Variants in TMEM120B observed in about 807,000 individuals in gnomAD.
The protein encoded by TMEM120B is transmembrane protein 120B.
A neutral mutation model predicts 55.5 loss-of-function variants in TMEM120B; 31 were observed. That is an observed-to-expected ratio of 0.56 (90% confidence interval 0.42 to 0.75). TMEM120B has a LOEUF of 0.75. Ranked by LOEUF, TMEM120B falls within the 30% of genes least tolerant of loss-of-function variation. The probability of loss-of-function intolerance (pLI) is 0.00; values close to 1 mark genes in which losing one functional copy is unlikely to be tolerated. For missense variants in TMEM120B, 399 were observed against 425.5 expected (o/e 0.94, Z 0.55); for synonymous variants, 203 against 176.3 (o/e 1.15, Z -1.20).
chr12:121,770,997 T>C, intron 7 of TMEM120B, 25 bp downstream of exon 7: 5 of 1,611,400 alleles, frequency 3.1e-6, no homozygotes, highest in Non-Finnish European at 4.2e-6. Flanking sequence ...GCTGGGCCCC[T>C]CCAGCCTCCC....
intron 1 of TMEM120B, 133 bp downstream of exon 1, chr12:121,713,097 C>CG: frequency 1.5e-6 from 1 of 662,128 alleles, no homozygotes; most frequent in Non-Finnish European, 2.4e-6. Context: ...TGGGGGCGGA[C>CG]GGGAGGCATG....
Position 121,778,749 on chromosome 12 carries a change from G to T in TMEM120B, c.*3027G>T. The T allele has an allele frequency of 6.6e-6, 1 of 152,382 alleles. No homozygotes were observed. 9.4% of individuals were successfully genotyped at this position (152,382 alleles called of 1,614,324 possible). A position where few individuals can be genotyped will look rare whatever the true frequency, so the allele number is the denominator to read the frequency against. ...GGGGGGAACAGTCCACAGAAAACTT[G>T]CTCATGACCACACTGGGAGCCGACT... On this transcript the variant is annotated 3_prime_UTR_variant, in exon 12 of 12. Coordinates refer to ENST00000449592, the MANE Select transcript of TMEM120B (RefSeq NM_001080825.2).
Position 121,717,314 on chromosome 12 carries a change from G to A in TMEM120B, c.69+4350G>A, listed in dbSNP as rs188359587. On this transcript the variant is annotated intron_variant, in intron 1 of 11. Coordinates refer to ENST00000449592, the MANE Select transcript of TMEM120B (RefSeq NM_001080825.2). ...TCCCTAAGTCTGACCTCACAGTGATGCAAGGGCCTTGAAGGCCATGGTAAA... is the reference window on the plus strand; with the variant it reads ...TCCCTAAGTCTGACCTCACAGTGATACAAGGGCCTTGAAGGCCATGGTAAA... Among the ~76,000 whole-genome samples, 38 of 152,340 alleles carry A rather than the reference G, an allele frequency of 2.5e-4. No homozygotes were observed. In the East Asian group the frequency reaches 6.6e-3, roughly 26 times the overall value.
chr12:121,760,801 G>A (rs1873652664), intron 5 of TMEM120B, among the ~76,000 whole-genome samples: 1 of 151,978 alleles, frequency 6.6e-6, no homozygotes, highest in Non-Finnish European at 1.5e-5. Flanking sequence ...GGTTGGAGGG[G>A]GCCCTGTTTA....
intron 1 of TMEM120B, among the ~76,000 whole-genome samples, chr12:121,742,744 A>AT (rs1872969008): frequency 6.6e-6 from 1 of 151,930 alleles, no homozygotes; most frequent in Non-Finnish European, 1.5e-5. Context: ...CGCCTGGCTA[A>AT]TTTTTACATT....
intron 1 of TMEM120B, among the ~76,000 whole-genome samples, chr12:121,739,415 C>T (rs190083682): frequency 1.4e-4 from 22 of 152,100 alleles, no homozygotes; most frequent in Admixed American, 3.3e-4. Context: ...ATTTTCTAGA[C>T]AATTGACCCT....
At chr12:121,734,000 T>C (rs963060086) in intron 1 of TMEM120B, among the ~76,000 whole-genome samples, 1 of 152,188 alleles carries the variant, frequency 6.6e-6, no homozygotes, top group Non-Finnish European at 1.5e-5. Context: ...GATCTGAAAG[T>C]AAAATGCCTG....
rs1874406578 is a variant in TMEM120B, at chr12:121,780,412, T to G, written c.*4690T>G. On this transcript the variant is annotated 3_prime_UTR_variant, in exon 12 of 12. Coordinates refer to ENST00000449592, the MANE Select transcript of TMEM120B (RefSeq NM_001080825.2). ...GTGAAAGTTTCTTTTTGCCTTTGCA[T>G]TCCTTTTATTCTGTTTATTCCCCCA... The G allele has an allele frequency of 9.7e-6, 2 of 207,218 alleles. No individual in the cohort carries two copies. The highest frequency in any genetic ancestry group is 1.9e-5 in the Non-Finnish European group (2 of 102,794). The allele number at this position is 207,218 out of a possible 1,614,324, so 12.8% of individuals were successfully genotyped here.
In TMEM120B at chr12:121,748,461, C is replaced by A. The variant is rs774757942; in HGVS notation, c.305+19C>A. On this transcript the variant is annotated intron_variant, in intron 3 of 11. Transcript: ENST00000449592. ...AGAACGGGTAGGAGCTGGCAACCTC[C>A]CCACCCCTAGCACAGGCCCATGCCC... 1.9e-6 allele frequency: 3 copies of A among 1,561,242 alleles called. No homozygotes were observed. In the East Asian group the frequency reaches 6.8e-5, roughly 35 times the overall value.
intron 6 of TMEM120B, among the ~76,000 whole-genome samples, chr12:121,766,300 C>T (rs1223979731): frequency 2.0e-5 from 3 of 150,486 alleles, no homozygotes; most frequent in Admixed American, 6.6e-5. Context: ...GCATAATAAG[C>T]AAGTCAGCTC....
intron 1 of TMEM120B, among the ~76,000 whole-genome samples, chr12:121,731,873 A>G (rs1895009789): frequency 6.6e-6 from 1 of 152,252 alleles, no homozygotes; most frequent in East Asian, 1.9e-4. Flanking sequence ...AGAGAGGTTC[A>G]TGCCTGTAAT....
chr12:121,772,129 C>CTCTTTCTCTCTT (rs1555333087), intron 8 of TMEM120B, among the ~76,000 whole-genome samples: 1 of 147,918 alleles, frequency 6.8e-6, no homozygotes, highest in African/African-American at 2.5e-5. Flanking sequence ...CTCTCTTTCT[C>CTCTTTCTCTCTT]TCTTTCTTTC....
At position 121,774,510 on chromosome 12, in the gene TMEM120B, C is replaced by G; in HGVS notation, c.773-148C>G. The G allele has an allele frequency of 4.4e-6, 3 of 680,336 alleles. No homozygotes were observed. In the South Asian group the frequency reaches 5.7e-5, roughly 13 times the overall value. 42.1% of individuals were successfully genotyped at this position (680,336 alleles called of 1,614,324 possible). On this transcript the variant is annotated intron_variant, in intron 9 of 11. Transcript: ENST00000449592. ...ATTGTCATAGTGAATGCCCACCCAG[C>G]TATGACAGGTGAGGGCTGACCCCCC...
chr12:121,765,028 G>A (rs943936238), intron 6 of TMEM120B, among the ~76,000 whole-genome samples: 13 of 151,924 alleles, frequency 8.6e-5, no homozygotes, highest in African/African-American at 3.1e-4. Flanking sequence ...TTTATTGAGT[G>A]TCTCCTAAGT....
At chr12:121,716,356 A>G (rs1048212494) in intron 1 of TMEM120B, among the ~76,000 whole-genome samples, 8 of 151,566 alleles carry the variant, frequency 5.3e-5, no homozygotes, top group African/African-American at 1.9e-4. Flanking sequence ...AGGTAACAGC[A>G]GGTAGGTAGG....
At chr12:121,742,579 G>A (rs1049457645) in intron 1 of TMEM120B, among the ~76,000 whole-genome samples, 9 of 151,950 alleles carry the variant, frequency 5.9e-5, no homozygotes, top group African/African-American at 2.2e-4. Context: ...GTGGCTTATT[G>A]TTTTTGTTTT....
At chr12:121,765,864 T>C (rs959565336) in intron 6 of TMEM120B, among the ~76,000 whole-genome samples, 1 of 152,102 alleles carries the variant, frequency 6.6e-6, no homozygotes, top group Non-Finnish European at 1.5e-5. Context: ...CTTGGTTCTT[T>C]ACCAGGGAGT....
chr12:121,729,758 C>T (rs1273186194), intron 1 of TMEM120B, among the ~76,000 whole-genome samples: 1 of 152,112 alleles, frequency 6.6e-6, no homozygotes, highest in Admixed American at 6.6e-5. Flanking sequence ...ATGATTGTGC[C>T]ACTGCACCGC....
intron 6 of TMEM120B, among the ~76,000 whole-genome samples, chr12:121,766,149 T>A (rs1873841086): frequency 6.6e-6 from 1 of 152,046 alleles, no homozygotes; most frequent in South Asian, 2.1e-4. Flanking sequence ...TTTGTCCAGT[T>A]CTGGCTGCAC....
Sources: gnomAD v4.1 joint callset for allele counts (sites outside exome capture counted in the v4.1 genomes callset) on GRCh38, gnomAD v4.1.1 for gene constraint, MANE v1.5 for transcripts, NCBI Gene and HGNC (gene_info 2026-07-23, HGNC 2026-07-21) for gene names.